Variants in ZNF892 observed in about 807,000 individuals in gnomAD.
ZNF892 encodes zinc finger protein 892.
chr2:95,253,846 A>T, the ZNF892 span, among the ~76,000 whole-genome samples: 1 of 152,172 alleles, frequency 6.6e-6, no homozygotes, highest in East Asian at 1.9e-4. Context: ...CTTTCAAGCA[A>T]TTGTGAATGG....
At chr2:95,210,167 G>A in the ZNF892 span, among the ~76,000 whole-genome samples, 1 of 148,342 alleles carries the variant, frequency 6.7e-6, no homozygotes, top group African/African-American at 2.5e-5. Flanking sequence ...GTGTATATAT[G>A]TATATATGTG....
At chr2:95,217,352 C>T in the ZNF892 span, among the ~76,000 whole-genome samples, 2,313 of 152,274 alleles carry the variant, frequency 0.015, 31 homozygotes, top group Non-Finnish European at 0.024. Flanking sequence ...TAAGATTCCA[C>T]CCCAGCCCCC....
the ZNF892 span, among the ~76,000 whole-genome samples, chr2:95,209,529 G>A: frequency 3.9e-5 from 6 of 152,214 alleles, no homozygotes; most frequent in Non-Finnish European, 7.3e-5. Flanking sequence ...AAGACAGTGG[G>A]AGATTGGCAG....
At chr2:95,240,538 C>T in the ZNF892 span, among the ~76,000 whole-genome samples, 1 of 152,228 alleles carries the variant, frequency 6.6e-6, no homozygotes, top group African/African-American at 2.4e-5. Flanking sequence ...AGCAGCAACT[C>T]AGGCATACAC....
chr2:95,226,236 G>T, the ZNF892 span, among the ~76,000 whole-genome samples: 2 of 152,254 alleles, frequency 1.3e-5, no homozygotes, highest in East Asian at 3.9e-4. Context: ...TTAAGATCAG[G>T]TCATCTGCAG....
the ZNF892 span, among the ~76,000 whole-genome samples, chr2:95,221,155 G>A: frequency 6.6e-6 from 1 of 152,168 alleles, no homozygotes; most frequent in Non-Finnish European, 1.5e-5. Context: ...GGTCGAAAAT[G>A]GATGCAAATG....
chr2:95,242,288 C>T, the ZNF892 span, among the ~76,000 whole-genome samples: 6 of 152,238 alleles, frequency 3.9e-5, no homozygotes, highest in South Asian at 6.2e-4. Context: ...GACTAACAGC[C>T]GACCTCTCAG....
At chr2:95,250,981 AT>A in the ZNF892 span, among the ~76,000 whole-genome samples, 610 of 148,122 alleles carry the variant, frequency 4.1e-3, 1 homozygote, top group Non-Finnish European at 6.0e-3. Context: ...ATATAAAAAA[AT>A]AAATGCTTAT....
chr2:95,257,346 G>A, the ZNF892 span, among the ~76,000 whole-genome samples: 1 of 152,216 alleles, frequency 6.6e-6, no homozygotes, highest in African/African-American at 2.4e-5. Flanking sequence ...TCCAGACCCT[G>A]TTTGCCTGAG....
chr2:95,222,499 A>G, the ZNF892 span, among the ~76,000 whole-genome samples: 1 of 152,046 alleles, frequency 6.6e-6, no homozygotes, highest in South Asian at 2.1e-4. Flanking sequence ...AGGTATTCTC[A>G]TTGTTTTTAT....
chr2:95,218,760 C>G, the ZNF892 span, among the ~76,000 whole-genome samples: 1 of 152,200 alleles, frequency 6.6e-6, no homozygotes, highest in African/African-American at 2.4e-5. Context: ...CAACAGCGTT[C>G]AGTTCCTGGC....
chr2:95,247,112 A>G, the ZNF892 span, among the ~76,000 whole-genome samples: 1 of 152,244 alleles, frequency 6.6e-6, no homozygotes. Flanking sequence ...AAACTATACT[A>G]CTAGGCTGCA....
the ZNF892 span, among the ~76,000 whole-genome samples, chr2:95,248,181 C>T: frequency 4.6e-5 from 7 of 152,126 alleles, no homozygotes; most frequent in African/African-American, 1.7e-4. Context: ...TTATGTCCTT[C>T]GCAGCAACAT....
the ZNF892 span, among the ~76,000 whole-genome samples, chr2:95,261,739 C>G: frequency 6.6e-6 from 1 of 152,150 alleles, no homozygotes; most frequent in Non-Finnish European, 1.5e-5. Flanking sequence ...AGTTGCCTTG[C>G]AAGGAGGTGG....
chr2:95,262,189 CAAGTGAGGGAG>C, the ZNF892 span, among the ~76,000 whole-genome samples: 1 of 152,128 alleles, frequency 6.6e-6, no homozygotes. Flanking sequence ...AGCAAGAATG[CAAGTGAGGGAG>C]AAGTGAGGGA....
the ZNF892 span, chr2:95,215,322 T>G: frequency 2.1e-6 from 1 of 469,542 alleles, no homozygotes; most frequent in East Asian, 3.3e-5. Context: ...CAGTGACCGC[T>G]CAGCCCTTAT....
chr2:95,210,229 GTGTATATATGTATATATATA>G, the ZNF892 span, among the ~76,000 whole-genome samples: 1 of 147,812 alleles, frequency 6.8e-6, no homozygotes, highest in Non-Finnish European at 1.5e-5. Context: ...GTATATATAT[GTGTATATATGTATATATATA>G]TGTGTATATA....
chr2:95,212,020 G>C, the ZNF892 span, among the ~76,000 whole-genome samples: 1 of 152,140 alleles, frequency 6.6e-6, no homozygotes, highest in Non-Finnish European at 1.5e-5. Context: ...TAAATAGGGG[G>C]AGGTAAAATT....
chr2:95,233,672 C>CCAA, the ZNF892 span, among the ~76,000 whole-genome samples: 1 of 35,174 alleles, frequency 2.8e-5, no homozygotes, highest in East Asian at 1.5e-3. Flanking sequence ...GACTCCATCT[C>CCAA]AAAAAAAAAA....
Sources: gnomAD v4.1 joint callset for allele counts (sites outside exome capture counted in the v4.1 genomes callset) on GRCh38, gnomAD v4.1.1 for gene constraint, MANE v1.5 for transcripts, NCBI Gene and HGNC (gene_info 2026-07-23, HGNC 2026-07-21) for gene names.